The following MOGAT3 variants were observed in gnomAD, a reference collection of about 807,000 sequenced individuals.
The protein encoded by MOGAT3 is 2-acylglycerol O-acyltransferase 3.
In MOGAT3, 39 loss-of-function variants were observed where a neutral mutation model predicts 34.4. That is an observed-to-expected ratio of 1.13 (90% CI 0.88 to 1.48). The LOEUF is 1.48. Ranked by LOEUF, MOGAT3 falls within the 40% of genes most tolerant of loss-of-function variation. The pLI is 0.00. For missense variants in MOGAT3, 439 were observed against 438.9 expected, an observed-to-expected ratio of 1.00 and a Z score of 0.00; for synonymous variants, 209 against 179.2, an observed-to-expected ratio of 1.17 and a Z score of -1.33.
At chr7:101,198,477 T>C in intron 4 of MOGAT3, 112 bp from the exon 5 acceptor site, 2 of 1,346,552 alleles carry the variant, frequency 1.5e-6, no homozygotes, top group Non-Finnish European at 1.0e-6. Flanking sequence ...GCGGGGAACC[T>C]ACCCAAATGC....
At chr7:101,200,115 T>C in intron 3 of MOGAT3, 119 bp downstream of exon 3, 1 of 798,780 alleles carries the variant, frequency 1.3e-6, no homozygotes, top group South Asian at 1.5e-5. Flanking sequence ...CCATTCCCTG[T>C]CCCACTGCCT....
chr7:101,196,059 C>T lies in MOGAT3; in HGVS notation c.913G>A (p.Glu305Lys), dbSNP rs371428887. The change falls in exon 7 of 7, where the codon GAG (glutamate) becomes AAG (lysine). Residue 305 changes from glutamate to lysine, a missense_variant. By Grantham distance (56) the Glu-to-Lys change is moderately conservative. Transcript: ENST00000223114. ...GCGTGATAGTGATTGACTTCCTCCT[C>T]GGTGGGGTGGAGGCGCTGGGGGACG... ...IPVPQRLHPT[E>K]EEVNHYHALY... The T allele has an allele frequency of 2.3e-5, 37 of 1,611,924 alleles. 1 individual carries two copies. The highest frequency in any genetic ancestry group is 7.7e-5 in the South Asian group (7 of 91,022).
chr7:101,197,242 G>A (rs1045084734), intron 5 of MOGAT3, among the ~76,000 whole-genome samples: 6 of 152,134 alleles, frequency 3.9e-5, no homozygotes, highest in Non-Finnish European at 8.8e-5. Flanking sequence ...GAGGGCAGTG[G>A]TGCAATCATA....
chr7:101,196,740 G>A lies in MOGAT3; in HGVS notation c.669-351C>T, dbSNP rs115253730. Among the ~76,000 whole-genome samples the A allele has an allele frequency of 9.6e-3, 1,468 of 152,200 alleles. 30 individuals are homozygous for A. Among genetic ancestry groups the A allele is most frequent in the African/African-American group, 0.034 (1,396 of 41,522 alleles). On this transcript the variant is annotated intron_variant, in intron 5 of 6. Coordinates refer to ENST00000223114, the MANE Select transcript of MOGAT3 (RefSeq NM_178176.4). The stretch of plus-strand genomic sequence containing the variant: ...AAAAATTAGCCAGGTGTGGAAGTGG[G>A]TACCTGTAATTCCAGCTACTACAGA...
chr7:101,197,378 A>T (rs1405629065), intron 5 of MOGAT3, among the ~76,000 whole-genome samples: 1 of 151,806 alleles, frequency 6.6e-6, no homozygotes, highest in Non-Finnish European at 1.5e-5. Context: ...TGTAGAGATG[A>T]TGTCTCCCTA....
intron 1 of MOGAT3, 44 bp downstream of exon 1, chr7:101,200,702 C>T (rs376454972): frequency 3.7e-5 from 58 of 1,548,132 alleles, no homozygotes; most frequent in South Asian, 5.7e-5. Context: ...CCAAGCCCTA[C>T]TCCCCTGGCA....
rs370137222 is a variant in MOGAT3, at chr7:101,198,218, C to T, written c.641G>A (p.Gly214Asp). 2 of 1,613,288 alleles carry T rather than the reference C, an allele frequency of 1.2e-6. No homozygotes were observed. Among genetic ancestry groups the T allele is most frequent in the Non-Finnish European group, 8.5e-7 (1 of 1,179,626 alleles). ...EHCLTLQKRK[G>D]FVRLALRHGA... is the part of the protein sequence containing the mutation. The stretch of plus-strand genomic sequence containing the variant: ...GTGCCTCAGCGCCAGGCGCACGAAG[C>T]CTTTGCGCTTCTGGAGCGTAAGGCA... Residue 214 changes from glycine (G) to aspartate (D), a missense_variant, in exon 5 of 7, where the codon GGC (glycine) becomes GAC (aspartate). Coordinates refer to ENST00000223114, the MANE Select transcript of MOGAT3 (RefSeq NM_178176.4).
In MOGAT3 at chr7:101,195,982, A is replaced by G; in HGVS notation, c.990T>C (p.Cys330=). The change falls in exon 7 of 7, where the codon TGT becomes TGC. Residue 330 remains cysteine, a synonymous_variant. Coordinates refer to ENST00000223114, the MANE Select transcript of MOGAT3 (RefSeq NM_178176.4). ...EQLFEEHKES[C]GVPASTCLTF... ...TGAGGCAGGTGGAAGCGGGGACCCC[A>G]CAGCTTTCCTTGTGCTCCTCGAAGA... The G allele has an allele frequency of 1.2e-6, 2 of 1,614,170 alleles. No homozygotes were observed.
rs747100177 is a variant in MOGAT3, at chr7:101,196,026, T to C, written c.946A>G (p.Met316Val). The change falls in exon 7 of 7, where the codon ATG becomes GTG. Residue 316 changes from methionine to valine, a missense_variant. Transcript: ENST00000223114. Reference protein sequence around the residue: ...EEVNHYHALYMTALEQLFEEH... With the variant: ...EEVNHYHALYVTALEQLFEEH... ...TCGAAGAGCTGCTCCAGGGCCGTCA[T>C]GTAGAGGGCGTGATAGTGATTGACT... 20 of 1,613,828 alleles carry C rather than the reference T, an allele frequency of 1.2e-5. No individual in the cohort carries two copies. Among genetic ancestry groups the C allele is most frequent in the South Asian group, 9.9e-5 (9 of 91,060 alleles).
At chr7:101,193,084 C>CATAA (rs938617592), downstream of MOGAT3, among the ~76,000 whole-genome samples, 1 of 151,888 alleles carries the variant, frequency 6.6e-6, no homozygotes, top group Non-Finnish European at 1.5e-5. Flanking sequence ...TCTCAAAAAA[C>CATAA]ATAAATAAAT....
intron 4 of MOGAT3, 51 bp from the exon 5 acceptor site, chr7:101,198,416 C>G (rs1797859454): frequency 6.7e-7 from 1 of 1,496,458 alleles, no homozygotes; most frequent in Non-Finnish European, 8.9e-7. Context: ...CCACGGCACC[C>G]CCGCCCCTCA....
chr7:101,193,521 C>T (rs1051671039), downstream of MOGAT3, among the ~76,000 whole-genome samples: 1 of 152,112 alleles, frequency 6.6e-6, no homozygotes, highest in Non-Finnish European at 1.5e-5. Flanking sequence ...CCTCCGCCTC[C>T]GGGTTCAAGC....
In MOGAT3 at chr7:101,195,689, A is replaced by G. The variant is rs1584235645; in HGVS notation, c.*257T>C. ...CCCAAATAGCTGGGATTACAGGCAC[A>G]TGCCACCATGCCCGGCTAATTAACA... On this transcript the variant is annotated 3_prime_UTR_variant, in exon 7 of 7. Transcript: ENST00000223114. 2.0e-6 allele frequency: 1 copy of G among 505,772 alleles called. No homozygotes were observed. The highest frequency in any genetic ancestry group is 3.5e-6 in the Non-Finnish European group (1 of 283,206). The allele number at this position is 505,772 out of a possible 1,614,324, so 31.3% of individuals were successfully genotyped here. A position where few individuals can be genotyped will look rare whatever the true frequency, so the allele number is the denominator to read the frequency against.
At position 101,201,013 on chromosome 7, in the gene MOGAT3, G is replaced by T. The variant is rs766317819; in HGVS notation, c.-159C>A. ...CCCAGAGTAGCGTGTGTCCGTAGGTGTGTGAGTGGGGAGATCTTTGGATCC... is the reference window on the plus strand; with the variant it reads ...CCCAGAGTAGCGTGTGTCCGTAGGTTTGTGAGTGGGGAGATCTTTGGATCC... On this transcript the variant is annotated 5_prime_UTR_variant, in exon 1 of 7. Coordinates refer to ENST00000223114, the MANE Select transcript of MOGAT3 (RefSeq NM_178176.4). 3.5e-6 allele frequency: 2 copies of T among 577,246 alleles called. No homozygotes were observed. Among genetic ancestry groups the T allele is most frequent in the East Asian group, 3.0e-5 (1 of 33,752 alleles). The allele number at this position is 577,246 out of a possible 1,614,324, so 35.8% of individuals were successfully genotyped here. A position where few individuals can be genotyped will look rare whatever the true frequency, so the allele number is the denominator to read the frequency against.
intron 3 of MOGAT3, among the ~76,000 whole-genome samples, chr7:101,199,110 C>A (rs2116772897): frequency 6.6e-6 from 1 of 150,936 alleles, no homozygotes; most frequent in African/African-American, 2.4e-5. Flanking sequence ...CCGGTTCAAG[C>A]TATCCTCCTG....
rs776796317 is a variant in MOGAT3, at chr7:101,200,301, C to T, written c.221G>A (p.Gly74Glu). Residue 74 changes from glycine (G) to glutamate (E), a missense_variant, in exon 3 of 7, where the codon GGA becomes GAA. Coordinates refer to ENST00000223114, the MANE Select transcript of MOGAT3 (RefSeq NM_178176.4). ...YVDWDTPNQG[G>E]RRSEWIRNRA... ...GTTCCTTATCCACTCCGAACGCCTT[C>T]CACCTGCGGACAATGAGATACTGGT... 1 of 1,614,110 alleles carries T rather than the reference C, an allele frequency of 6.2e-7. No individual in the cohort carries two copies. The highest frequency in any genetic ancestry group is 8.5e-7 in the Non-Finnish European group (1 of 1,179,996).
intron 3 of MOGAT3, among the ~76,000 whole-genome samples, 170 bp from the exon 4 acceptor site, chr7:101,199,000 GTTTTTTTT>G (rs56137538): frequency 3.0e-5 from 3 of 100,202 alleles, no homozygotes; most frequent in Non-Finnish European, 5.9e-5. Context: ...AAGGGCCCAG[GTTTTTTTT>G]TTTTTTTTTT....
intron 5 of MOGAT3, among the ~76,000 whole-genome samples, chr7:101,196,833 C>A (rs1225425512): frequency 6.6e-6 from 1 of 152,154 alleles, no homozygotes; most frequent in African/African-American, 2.4e-5. Flanking sequence ...CACACCACTG[C>A]ACTTCAGTCT....
rs1261069921 is a variant in MOGAT3, at chr7:101,200,535, GAA to G, written c.110-22_110-21del. ...AAGGGCCTGGGGGAAGGGAGAGAAAGAAAAGAGTTCACTTCTGAAACTCCATC... is the reference window on the plus strand; with the variant it reads ...AAGGGCCTGGGGGAAGGGAGAGAAAGAAGAGTTCACTTCTGAAACTCCATC... On this transcript the variant is annotated intron_variant, in intron 1 of 6. Coordinates refer to ENST00000223114, the MANE Select transcript of MOGAT3 (RefSeq NM_178176.4). 1.3e-6 allele frequency: 2 copies of G among 1,541,042 alleles called. No homozygotes were observed. The highest frequency in any genetic ancestry group is 1.2e-5 in the South Asian group (1 of 85,394).
Sources: gnomAD v4.1 joint callset for allele counts (sites outside exome capture counted in the v4.1 genomes callset) on GRCh38, gnomAD v4.1.1 for gene constraint, MANE v1.5 for transcripts, NCBI Gene and HGNC (gene_info 2026-07-23, HGNC 2026-07-21) for gene names.